Variants in MFSD6 observed in about 807,000 individuals in gnomAD.
MFSD6 encodes the protein major facilitator superfamily domain containing 6, also known as major facilitator superfamily domain-containing protein 6.
Under a neutral mutation model 56.3 loss-of-function variants are expected in MFSD6, and 26 were observed. The observed-to-expected ratio is 0.46, with a 90% CI of 0.34 to 0.64. The LOEUF (loss-of-function observed/expected upper bound fraction) is 0.64, where lower values mean the gene tolerates loss of function less well. MFSD6 is among the 30% of genes least tolerant of loss of function. MFSD6 has a pLI of 0.01. For synonymous variants in MFSD6, 331 were observed against 366.9 expected (o/e 0.90, Z 1.12); for missense variants, 750 against 986.2 (o/e 0.76, Z 3.21).
Position 190,432,208 on chromosome 2 carries a change from A to G in MFSD6, c.-53-3769A>G, listed in dbSNP as rs947211473. ...AGAAGTCATTCCTCTTAGGCTAACC[A>G]GATTTTCTAGAGAAGAGGCTTTAAC... On this transcript the variant is annotated intron_variant, in intron 2 of 7. Transcript: ENST00000392328. Among the ~76,000 whole-genome samples, 4 of 152,206 alleles carry G rather than the reference A, an allele frequency of 2.6e-5. No homozygotes were observed. In the East Asian group the frequency reaches 7.7e-4, roughly 29 times the overall value.
At chr2:190,435,935 T>G (rs1011207572) in intron 2 of MFSD6, 42 bp from the exon 3 acceptor site, 2 of 1,451,536 alleles carry the variant, frequency 1.4e-6, no homozygotes, top group Non-Finnish European at 1.9e-6. Context: ...TTACATGTTA[T>G]GATTTTCATT....
At chr2:190,482,354 T>C (rs971618600) in intron 4 of MFSD6, among the ~76,000 whole-genome samples, 5 of 152,100 alleles carry the variant, frequency 3.3e-5, no homozygotes, top group Admixed American at 1.3e-4. Flanking sequence ...TTAGGAAGAA[T>C]AGTCTCTTAC....
At position 190,471,867 on chromosome 2, in the gene MFSD6, G is replaced by A. The variant is rs912538275; in HGVS notation, c.1630+2012G>A. On this transcript the variant is annotated intron_variant, in intron 4 of 7. Coordinates refer to ENST00000392328, the MANE Select transcript of MFSD6 (RefSeq NM_017694.4). The surrounding 1 kb of genome is among the most constrained non-coding windows in gnomAD (Gnocchi z 4.7). ...GTAGGGGCAGACTGATAACTCATACGGCCGGGTACCCCTCTGAGACAAAAC... is the reference window on the plus strand; with the variant it reads ...GTAGGGGCAGACTGATAACTCATACAGCCGGGTACCCCTCTGAGACAAAAC... 7.2e-4 allele frequency among the ~76,000 whole-genome samples: 110 copies of A among 152,126 alleles called. 1 individual carries two copies. The highest frequency in any genetic ancestry group is 1.9e-4 in the Non-Finnish European group (13 of 68,024).
rs572376169 is a variant in MFSD6 at position 190,412,121 on chromosome 2, A to G, written c.-175-3171A>G. The G allele has an allele frequency of 3.1e-5, 31 of 984,178 alleles. No homozygotes were observed. The East Asian group carries it at 1.7e-3, about 54-fold the overall frequency. 61.0% of individuals were successfully genotyped at this position (984,178 alleles called of 1,614,324 possible). Reference sequence around the variant, plus strand: ...ATGTACTTGTTAAATACAGTCCCATAGTTCTATCCAATTCTATGTAAAATT... The same window carrying G: ...ATGTACTTGTTAAATACAGTCCCATGGTTCTATCCAATTCTATGTAAAATT... On this transcript the variant is annotated intron_variant, in intron 1 of 7. Transcript: ENST00000392328. This position sits in a 1 kb window ranked among gnomAD's most constrained non-coding sequence, Gnocchi z 4.1.
Position 190,436,109 on chromosome 2 carries a change from A to G in MFSD6, c.80A>G (p.Asn27Ser). 1.9e-6 allele frequency: 3 copies of G among 1,614,248 alleles called. No individual in the cohort carries two copies. Among genetic ancestry groups the G allele is most frequent in the Non-Finnish European group, 1.7e-6 (2 of 1,180,036 alleles). The change falls in exon 3 of 8, where the codon AAT becomes AGT. Residue 27 changes from asparagine (N) to serine (S), a missense_variant. Physicochemically the swap from Asn to Ser is conservative, Grantham distance 46 (BLOSUM62 1). Around this residue, in one of 5 missense-constraint regions of MFSD6, gnomAD observed 76 missense variants for 101.9 expected, o/e 0.75. Transcript: ENST00000392328. The surrounding 1 kb of genome is among the most constrained non-coding windows in gnomAD (Gnocchi z 5.3). ...KRKYVLADPF[N>S]GISREPEPPS... ...AAGTATGTGCTTGCAGATCCCTTTAATGGTATTTCCAGGGAACCAGAACCA... is the reference window on the plus strand; with the variant it reads ...AAGTATGTGCTTGCAGATCCCTTTAGTGGTATTTCCAGGGAACCAGAACCA...
At chr2:190,449,121 TG>T in intron 3 of MFSD6, among the ~76,000 whole-genome samples, 1 of 152,254 alleles carries the variant, frequency 6.6e-6, no homozygotes, top group East Asian at 1.9e-4. Context: ...ATAACAACCA[TG>T]GCTTCAGGTC....
rs1686771636 is a variant in MFSD6, at chr2:190,451,440, A to G, written c.1532+13879A>G. Reference sequence around the variant, plus strand: ...CACACTGGGTGACAGGCACTGTGCTATAATCTAGGGATATATGGAATCTGT... The same window carrying G: ...CACACTGGGTGACAGGCACTGTGCTGTAATCTAGGGATATATGGAATCTGT... On this transcript the variant is annotated intron_variant, in intron 3 of 7. Coordinates refer to ENST00000392328, the MANE Select transcript of MFSD6 (RefSeq NM_017694.4). This position sits in a 1 kb window ranked among gnomAD's most constrained non-coding sequence, Gnocchi z 5.0. Among the ~76,000 whole-genome samples the G allele has an allele frequency of 6.6e-6, 1 of 152,240 alleles. No individual in the cohort carries two copies. The highest frequency in any genetic ancestry group is 2.4e-5 in the African/African-American group (1 of 41,466).
rs1020430490 is a variant in MFSD6, at chr2:190,471,124, C to T, written c.1630+1269C>T. Among the ~76,000 whole-genome samples the T allele has an allele frequency of 1.3e-5, 2 of 152,090 alleles. No individual in the cohort carries two copies. Among genetic ancestry groups the T allele is most frequent in the Non-Finnish European group, 2.9e-5 (2 of 68,020 alleles). On this transcript the variant is annotated intron_variant, in intron 4 of 7. Coordinates refer to ENST00000392328, the MANE Select transcript of MFSD6 (RefSeq NM_017694.4). The surrounding 1 kb of genome is among the most constrained non-coding windows in gnomAD (Gnocchi z 4.7). ...TAACAGGAGGGTGGAGCCAAGATGG[C>T]CGAATAGGAACAGCTCCAGTCTACA...
chr2:190,467,180 T>C lies in MFSD6; in HGVS notation c.1533-2578T>C, dbSNP rs1687650184. Among the ~76,000 whole-genome samples, 1 of 152,188 alleles carries C rather than the reference T, an allele frequency of 6.6e-6. No homozygotes were observed. Among genetic ancestry groups the C allele is most frequent in the East Asian group, 1.9e-4 (1 of 5,200 alleles). ...GCTTGGAATGAGTTAGACCACTGGT[T>C]CTCCACCCTGGCTCAGTAAGAGAAC... is the stretch of plus-strand genomic sequence containing the variant. On this transcript the variant is annotated intron_variant, in intron 3 of 7. Transcript: ENST00000392328. This position sits in a 1 kb window ranked among gnomAD's most constrained non-coding sequence, Gnocchi z 5.5.
chr2:190,437,094 C>T lies in MFSD6; in HGVS notation c.1065C>T (p.Ile355=), dbSNP rs1180223471. 38 of 1,614,070 alleles carry T rather than the reference C, an allele frequency of 2.4e-5. No individual in the cohort carries two copies. The highest frequency in any genetic ancestry group is 3.0e-5 in the Non-Finnish European group (35 of 1,180,046). ...ACTACACCCACATCGAAGTGCTCAT[C>T]GATGGAAAGGGGTGTAAGCCCCCCG... ...GIDYTHIEVL[I]DGKGCKPPEY... Residue 355 remains isoleucine, a synonymous_variant, in exon 3 of 8, where the codon ATC becomes ATT. Coordinates refer to ENST00000392328, the MANE Select transcript of MFSD6 (RefSeq NM_017694.4). This position sits in a 1 kb window ranked among gnomAD's most constrained non-coding sequence, Gnocchi z 5.9.
intron 3 of MFSD6, among the ~76,000 whole-genome samples, chr2:190,449,581 C>T (rs573453095): frequency 3.9e-5 from 6 of 152,122 alleles, no homozygotes; most frequent in Non-Finnish European, 2.9e-5. Context: ...TTTATTGCGG[C>T]ACTATTCACA....
At chr2:190,446,628 A>C (rs2125075491) in intron 3 of MFSD6, among the ~76,000 whole-genome samples, 1 of 152,314 alleles carries the variant, frequency 6.6e-6, no homozygotes, top group East Asian at 1.9e-4. Context: ...ACATTCATTT[A>C]TAAAGAAGCT....
At position 190,436,563 on chromosome 2, in the gene MFSD6, C is replaced by A. The variant is rs778576407; in HGVS notation, c.534C>A (p.Ile178=). The change falls in exon 3 of 8, where the codon ATC becomes ATA. Residue 178 remains isoleucine (I), a synonymous_variant. Coordinates refer to ENST00000392328, the MANE Select transcript of MFSD6 (RefSeq NM_017694.4). This position sits in a 1 kb window ranked among gnomAD's most constrained non-coding sequence, Gnocchi z 5.3. ...HPTNASHQLT[I]LPTNSSFTSF... ...CCAATGCAAGTCACCAGTTAACTATCCTGCCAACAAATTCTTCCTTTACCT... is the reference window on the plus strand; with the variant it reads ...CCAATGCAAGTCACCAGTTAACTATACTGCCAACAAATTCTTCCTTTACCT... 6.2e-7 allele frequency: 1 copy of A among 1,614,214 alleles called. No homozygotes were observed.
rs1685745420 is a variant in MFSD6 at position 190,425,063 on chromosome 2, T to G, written c.-54+9650T>G. Among the ~76,000 whole-genome samples the G allele has an allele frequency of 6.6e-6, 1 of 152,192 alleles. No homozygotes were observed. Among genetic ancestry groups the G allele is most frequent in the African/African-American group, 2.4e-5 (1 of 41,428 alleles). On this transcript the variant is annotated intron_variant, in intron 2 of 7. Coordinates refer to ENST00000392328, the MANE Select transcript of MFSD6 (RefSeq NM_017694.4). This position sits in a 1 kb window ranked among gnomAD's most constrained non-coding sequence, Gnocchi z 4.3. The stretch of plus-strand genomic sequence containing the variant: ...TTTTATGGTTTTCAGCATAAGGCCT[T>G]GTACACATTTTTTAAATTTATACCC...
rs1022254192 is a variant in MFSD6, at chr2:190,467,112, C to G, written c.1533-2646C>G. Among the ~76,000 whole-genome samples, 2 of 152,206 alleles carry G rather than the reference C, an allele frequency of 1.3e-5. No individual in the cohort carries two copies. The highest frequency in any genetic ancestry group is 4.8e-5 in the African/African-American group (2 of 41,454). On this transcript the variant is annotated intron_variant, in intron 3 of 7. Transcript: ENST00000392328. This position sits in a 1 kb window ranked among gnomAD's most constrained non-coding sequence, Gnocchi z 5.5. ...GAACACTAGGAAAGTGGATTACCAA[C>G]ATTGTTTTATGATGGGATTATATTA...
chr2:190,464,925 G>A (rs1232246575), intron 3 of MFSD6: 1 of 983,066 alleles, frequency 1.0e-6, no homozygotes, highest in East Asian at 1.1e-4. Flanking sequence ...GGGGGAGGGT[G>A]GATTTAGCCA....
In MFSD6 at chr2:190,437,609, T is replaced by G; in HGVS notation, c.1532+48T>G. On this transcript the variant is annotated intron_variant, in intron 3 of 7. Transcript: ENST00000392328. The surrounding 1 kb of genome is among the most constrained non-coding windows in gnomAD (Gnocchi z 5.9). ...TGCCCCTCAGCAATTGAACTTTATC[T>G]TTTTATGGTTTATAGCTCCTTCTAC... 3.8e-6 allele frequency: 6 copies of G among 1,563,108 alleles called. No individual in the cohort carries two copies. The highest frequency in any genetic ancestry group is 5.2e-6 in the Non-Finnish European group (6 of 1,152,600).
At chr2:190,450,521 C>G (rs1156888159) in intron 3 of MFSD6, among the ~76,000 whole-genome samples, 1 of 87,636 alleles carries the variant, frequency 1.1e-5, no homozygotes, top group Non-Finnish European at 2.1e-5. Context: ...AGACAGGGGT[C>G]TCACTCTGTC....
chr2:190,484,295 T>C (rs1194014644), intron 4 of MFSD6, among the ~76,000 whole-genome samples: 1 of 152,196 alleles, frequency 6.6e-6, no homozygotes, highest in Non-Finnish European at 1.5e-5. Flanking sequence ...GTTTAAAAAT[T>C]TGTAATTCTA....
Sources: allele counts gnomAD v4.1 joint callset (sites outside exome capture counted in the v4.1 genomes callset), GRCh38; gene constraint gnomAD v4.1.1; regional missense constraint gnomAD v4.1.1; non-coding constraint Gnocchi (gnomAD v3.1); transcripts MANE v1.5; gene names NCBI Gene and HGNC (gene_info 2026-07-23, HGNC 2026-07-21).